Variants in LPP observed in about 807,000 individuals in gnomAD.
The protein encoded by LPP is LIM domain containing preferred translocation partner in lipoma.
In LPP, 38 loss-of-function variants were observed where a neutral mutation model predicts 60.4. The ratio of observed to expected loss-of-function variants is 0.63; its 90% CI spans 0.49 to 0.83. The LOEUF is 0.83. LPP is among the 40% of genes least tolerant of loss of function. The pLI, the probability that LPP is intolerant of heterozygous loss-of-function variation, is 0.00. For missense variants in LPP, 902 were observed against 783.6 expected (o/e 1.15, Z -1.80); for synonymous variants, 328 against 290.8 (o/e 1.13, Z -1.30).
At chr3:188,660,396 G>A (rs1438034109) in intron 7 of LPP, among the ~76,000 whole-genome samples, 1 of 152,154 alleles carries the variant, frequency 6.6e-6, no homozygotes, top group Admixed American at 6.5e-5. Context: ...TTTGAGGTGT[G>A]TGTAATATTT....
At chr3:188,485,068 A>C (rs1805944014) in intron 5 of LPP, among the ~76,000 whole-genome samples, 1 of 152,204 alleles carries the variant, frequency 6.6e-6, no homozygotes. Context: ...CTCTATCTTC[A>C]AACATTGCAT....
At chr3:188,616,646 G>T (rs1844909231) in intron 7 of LPP, among the ~76,000 whole-genome samples, 1 of 151,962 alleles carries the variant, frequency 6.6e-6, no homozygotes, top group Non-Finnish European at 1.5e-5. Context: ...CACAAAATAG[G>T]CTGCTATGAT....
intron 2 of LPP, among the ~76,000 whole-genome samples, chr3:188,233,802 C>A (rs1440888425): frequency 6.6e-6 from 1 of 152,094 alleles, no homozygotes; most frequent in Non-Finnish European, 1.5e-5. Flanking sequence ...TCAGCATTTA[C>A]AACTCCACAA....
intron 9 of LPP, among the ~76,000 whole-genome samples, chr3:188,804,282 T>TATATATAA (rs1560227180): frequency 3.2e-5 from 4 of 123,140 alleles, no homozygotes; most frequent in African/African-American, 6.1e-5. Flanking sequence ...TATATATATA[T>TATATATAA]AAAATGGAAT....
chr3:188,682,984 CAAAG>C, intron 7 of LPP, among the ~76,000 whole-genome samples: 1 of 152,084 alleles, frequency 6.6e-6, no homozygotes, highest in East Asian at 1.9e-4. Context: ...AGGATGACCA[CAAAG>C]AAGAATAAGG....
chr3:188,188,335 G>A lies in LPP; in HGVS notation c.-190+34083G>A, dbSNP rs79814782. ...ACATTTAGTTTTCTTGGCAGCTTTT[G>A]GAAGATATAATGTATTGGGACTTAT... is the stretch of plus-strand genomic sequence containing the variant. On this transcript the variant is annotated intron_variant, in intron 1 of 11. Transcript: ENST00000617246. Among the ~76,000 whole-genome samples the A allele has an allele frequency of 2.8e-3, 421 of 152,230 alleles. 5 individuals carry two copies. The highest frequency in any genetic ancestry group is 2.8e-3 in the Non-Finnish European group (191 of 68,020).
intron 4 of LPP, among the ~76,000 whole-genome samples, chr3:188,412,274 A>C (rs1251753522): frequency 6.6e-6 from 1 of 152,116 alleles, no homozygotes; most frequent in Non-Finnish European, 1.5e-5. Flanking sequence ...ACAAGAGGAG[A>C]CATTTTCCTT....
intron 1 of LPP, among the ~76,000 whole-genome samples, chr3:188,197,036 G>A (rs1018212689): frequency 5.9e-5 from 9 of 152,154 alleles, no homozygotes; most frequent in Non-Finnish European, 1.3e-4. Flanking sequence ...TTATATTTCT[G>A]TATCTTCAAA....
chr3:188,724,706 T>C (rs1395836559), intron 8 of LPP, among the ~76,000 whole-genome samples: 1 of 152,204 alleles, frequency 6.6e-6, no homozygotes, highest in Non-Finnish European at 1.5e-5. Flanking sequence ...TGTAGCAATA[T>C]TTATGTCCAG....
intron 8 of LPP, among the ~76,000 whole-genome samples, chr3:188,735,738 CATG>C (rs1326866352): frequency 6.6e-6 from 1 of 152,096 alleles, no homozygotes; most frequent in African/African-American, 2.4e-5. Flanking sequence ...AAAATATTTT[CATG>C]ATGATATGTC....
intron 9 of LPP, among the ~76,000 whole-genome samples, chr3:188,792,113 T>A (rs1743964925): frequency 6.6e-6 from 1 of 152,174 alleles, no homozygotes; most frequent in Non-Finnish European, 1.5e-5. Context: ...GGTTCTGTTC[T>A]CTCAGCCCAA....
At chr3:188,579,689 G>A (rs867674477) in intron 6 of LPP, among the ~76,000 whole-genome samples, 181 of 148,750 alleles carry the variant, frequency 1.2e-3, no homozygotes, top group African/African-American at 4.1e-3. Context: ...GCTGGGCACC[G>A]TGGCTCACAC....
chr3:188,283,108 G>A (rs556553619), intron 2 of LPP, among the ~76,000 whole-genome samples: 13 of 152,234 alleles, frequency 8.5e-5, no homozygotes, highest in South Asian at 2.1e-4. Context: ...TCTTAATCCT[G>A]TCTCTCTAGA....
chr3:188,357,950 T>G (rs1026619689), intron 3 of LPP, among the ~76,000 whole-genome samples: 1 of 152,200 alleles, frequency 6.6e-6, no homozygotes, highest in Non-Finnish European at 1.5e-5. Flanking sequence ...ACACTTGGCT[T>G]ATTTATGAGC....
intron 3 of LPP, among the ~76,000 whole-genome samples, chr3:188,377,577 C>G (rs1425786546): frequency 6.6e-6 from 1 of 152,158 alleles, no homozygotes; most frequent in Non-Finnish European, 1.5e-5. Flanking sequence ...AAGGACTTCT[C>G]TGCATTGGTT....
At chr3:188,436,258 A>C (rs1792268280) in intron 4 of LPP, among the ~76,000 whole-genome samples, 1 of 152,180 alleles carries the variant, frequency 6.6e-6, no homozygotes, top group African/African-American at 2.4e-5. Context: ...GACCCAAGGG[A>C]GATAAGGTGG....
chr3:188,559,700 A>C (rs1402889393), intron 6 of LPP, among the ~76,000 whole-genome samples: 1 of 151,996 alleles, frequency 6.6e-6, no homozygotes, highest in Non-Finnish European at 1.5e-5. Flanking sequence ...ATTTATACAT[A>C]TTTTATTATT....
intron 4 of LPP, among the ~76,000 whole-genome samples, chr3:188,457,224 A>G (rs1797928552): frequency 6.6e-6 from 1 of 152,162 alleles, no homozygotes; most frequent in Admixed American, 6.5e-5. Context: ...GAGATCTGGC[A>G]AAGGAGACAT....
intron 3 of LPP, among the ~76,000 whole-genome samples, chr3:188,375,111 G>A (rs1269209015): frequency 2.0e-5 from 3 of 152,136 alleles, no homozygotes; most frequent in African/African-American, 7.2e-5. Flanking sequence ...CGGTTTGCCA[G>A]TATTTTATTG....
Sources: gnomAD v4.1 joint callset for allele counts (sites outside exome capture counted in the v4.1 genomes callset) on GRCh38, gnomAD v4.1.1 for gene constraint, MANE v1.5 for transcripts, NCBI Gene and HGNC (gene_info 2026-07-23, HGNC 2026-07-21) for gene names.